The following INSR variants were observed in gnomAD, a reference collection of about 807,000 sequenced individuals.
INSR encodes the protein IR.
A neutral mutation model predicts 142.6 loss-of-function variants in INSR; 67 were observed. The observed-to-expected ratio is 0.47, with a 90% CI of 0.39 to 0.58. The LOEUF is 0.58. Among genes scored for constraint, INSR ranks in the 20% least tolerant of loss-of-function variants. The pLI is 0.00. For synonymous variants in INSR, 756 were observed against 743.1 expected (o/e 1.02, Z -0.28); for missense variants, 1,248 against 1,833.2 (o/e 0.68, Z 5.83).
intron 17 of INSR, among the ~76,000 whole-genome samples, chr19:7,124,906 G>C (rs1434762682): frequency 6.6e-6 from 1 of 151,532 alleles, no homozygotes; most frequent in African/African-American, 2.4e-5. Context: ...TTACAAAGGT[G>C]CCAGGAAAAA....
chr19:7,213,991 A>G (rs930228628), intron 2 of INSR, among the ~76,000 whole-genome samples: 3 of 149,682 alleles, frequency 2.0e-5, no homozygotes, highest in Admixed American at 2.0e-4. Flanking sequence ...CTTTGTCTCA[A>G]AAAAAAAAAG....
chr19:7,244,931 CTTTTTTT>C (rs370936908), intron 2 of INSR, among the ~76,000 whole-genome samples: 25 of 88,036 alleles, frequency 2.8e-4, no homozygotes, highest in Admixed American at 4.1e-4. Context: ...TTTGTTTTTG[CTTTTTTT>C]TTTTTTTTTT....
chr19:7,142,579 C>G (rs1973097272), intron 12 of INSR, among the ~76,000 whole-genome samples: 1 of 151,220 alleles, frequency 6.6e-6, no homozygotes, highest in African/African-American at 2.4e-5. Context: ...CCTGTAGTCC[C>G]AGCTACTTGG....
At chr19:7,156,052 CTTTTTTTTTTTTTTT>C (rs147889782) in intron 9 of INSR, among the ~76,000 whole-genome samples, 1 of 67,346 alleles carries the variant, frequency 1.5e-5, no homozygotes. Context: ...ATATGGAATT[CTTTTTTTTTTTTTTT>C]TTTTTTTTTT....
intron 1 of INSR, among the ~76,000 whole-genome samples, chr19:7,277,378 G>C (rs1968091917): frequency 7.5e-6 from 1 of 132,610 alleles, no homozygotes; most frequent in South Asian, 2.5e-4. Flanking sequence ...CAGACATTGT[G>C]CCAGGCCCAG....
In INSR at chr19:7,225,257, T is replaced by G. The variant is rs1456401870; in HGVS notation, c.653-40620A>C. On this transcript the variant is annotated intron_variant, in intron 2 of 21. Coordinates refer to ENST00000302850, the MANE Select transcript of INSR (RefSeq NM_000208.4). This position sits in a 1 kb window ranked among gnomAD's most constrained non-coding sequence, Gnocchi z 4.7. ...GGCCGAGCCACAAGAAGACACTTGC[T>G]CCATCAATGTTACTGTGGGCCAGTT... Among the ~76,000 whole-genome samples, 5 of 152,160 alleles carry G rather than the reference T, an allele frequency of 3.3e-5. No individual in the cohort carries two copies. The highest frequency in any genetic ancestry group is 4.1e-4 in the South Asian group (2 of 4,824).
At chr19:7,186,062 G>T (rs1974423768) in intron 2 of INSR, among the ~76,000 whole-genome samples, 1 of 151,866 alleles carries the variant, frequency 6.6e-6, no homozygotes, top group South Asian at 2.1e-4. Flanking sequence ...CGGGTGTGGT[G>T]GTGGGCGTCT....
At chr19:7,258,344 G>A (rs1016881190) in intron 2 of INSR, among the ~76,000 whole-genome samples, 4 of 150,274 alleles carry the variant, frequency 2.7e-5, no homozygotes, top group African/African-American at 9.7e-5. Flanking sequence ...GAGGCTGACT[G>A]AGGTGGCAGT....
chr19:7,212,538 T>C (rs6510962), intron 2 of INSR, among the ~76,000 whole-genome samples: 6,395 of 152,254 alleles, frequency 0.042, 448 homozygotes, highest in African/African-American at 0.14. Flanking sequence ...GTGCTTCCAG[T>C]CTAGCAGGCA....
intron 2 of INSR, among the ~76,000 whole-genome samples, chr19:7,245,408 C>T (rs1301280684): frequency 1.3e-5 from 2 of 152,154 alleles, no homozygotes; most frequent in African/African-American, 2.4e-5. Flanking sequence ...AGGAGGATCA[C>T]TTGCACCCAG....
rs774204258 is a variant in INSR, at chr19:7,267,781, A to G, written c.216T>C (p.Asp72=). 6.2e-7 allele frequency: 1 copy of G among 1,614,182 alleles called. No homozygotes were observed. The highest frequency in any genetic ancestry group is 1.1e-5 in the South Asian group (1 of 91,080). ...ILLMFKTRPE[D]FRDLSFPKLI... The stretch of plus-strand genomic sequence containing the variant: ...GTTTGGGGAAACTGAGGTCTCGGAA[A>G]TCTTCGGGCCTCGTTTTGAACATCA... Residue 72 remains aspartate (D), a synonymous_variant, in exon 2 of 22, where the codon GAT becomes GAC. Transcript: ENST00000302850. This position sits in a 1 kb window ranked among gnomAD's most constrained non-coding sequence, Gnocchi z 6.3.
intron 2 of INSR, among the ~76,000 whole-genome samples, chr19:7,266,185 G>A: frequency 6.6e-6 from 1 of 152,054 alleles, no homozygotes; most frequent in East Asian, 1.9e-4. Context: ...CTCAAAGCTG[G>A]CCAAGGTGTT....
intron 3 of INSR, among the ~76,000 whole-genome samples, chr19:7,181,614 G>A (rs1052781528): frequency 1.3e-5 from 2 of 151,236 alleles, no homozygotes; most frequent in African/African-American, 4.9e-5. Flanking sequence ...CTTGCCTGGG[G>A]GCTAACGTGC....
At chr19:7,153,013 CCACACACACACACCACA>C in intron 9 of INSR, 86 bp from the exon 10 acceptor site, 2 of 545,272 alleles carry the variant, frequency 3.7e-6, no homozygotes, top group Non-Finnish European at 5.9e-6. Flanking sequence ...CACACACACA[CCACACACACACACCACA>C]CACACACACA....
At position 7,113,454 on chromosome 19, in the gene INSR, T is replaced by C. The variant is rs540137499; in HGVS notation, c.*3602A>G. 43 of 152,214 alleles carry C rather than the reference T, an allele frequency of 2.8e-4. No homozygotes were observed. The highest frequency in any genetic ancestry group is 9.6e-4 in the African/African-American group (40 of 41,514). 9.4% of individuals were successfully genotyped at this position (152,214 alleles called of 1,614,324 possible). A position where few individuals can be genotyped will look rare whatever the true frequency, so the allele number is the denominator to read the frequency against. On this transcript the variant is annotated 3_prime_UTR_variant, in exon 22 of 22. Transcript: ENST00000302850. ...ATGATGAAACAGCACCTAGGACAGC[T>C]CCTAAAACCTGAACATTTTCTGATG... is the stretch of plus-strand genomic sequence containing the variant.
chr19:7,243,613 A>G (rs1194949985), intron 2 of INSR, among the ~76,000 whole-genome samples: 2 of 152,196 alleles, frequency 1.3e-5, no homozygotes, highest in African/African-American at 4.8e-5. Context: ...AAATTTGTCA[A>G]TGAATACTCA....
intron 1 of INSR, among the ~76,000 whole-genome samples, chr19:7,272,929 A>G (rs1226088500): frequency 1.3e-5 from 2 of 152,176 alleles, no homozygotes; most frequent in East Asian, 3.9e-4. Context: ...TTCATACAAA[A>G]AAATCCGAAA....
In INSR at chr19:7,159,038, G is replaced by T. The variant is rs1367961864; in HGVS notation, c.2029+3994C>A. Among the ~76,000 whole-genome samples, 1 of 152,066 alleles carries T rather than the reference G, an allele frequency of 6.6e-6. No homozygotes were observed. The highest frequency in any genetic ancestry group is 2.4e-5 in the African/African-American group (1 of 41,398). ...CTGCCTCAGCCTCCTGAGTAGCTGG[G>T]ATTACAGGCACCCACCACCACACCC... is the stretch of plus-strand genomic sequence containing the variant. On this transcript the variant is annotated intron_variant, in intron 9 of 21. Coordinates refer to ENST00000302850, the MANE Select transcript of INSR (RefSeq NM_000208.4). This position sits in a 1 kb window ranked among gnomAD's most constrained non-coding sequence, Gnocchi z 4.3.
In INSR at chr19:7,190,728, G is replaced by A. The variant is rs560306295; in HGVS notation, c.653-6091C>T. Reference sequence around the variant, plus strand: ...GCTCATTCCAGGTGTTTCCAACTCTGTAGGGAGATGTTGATCAAACTACAA... The same window carrying A: ...GCTCATTCCAGGTGTTTCCAACTCTATAGGGAGATGTTGATCAAACTACAA... On this transcript the variant is annotated intron_variant, in intron 2 of 21. Transcript: ENST00000302850. Among the ~76,000 whole-genome samples, 6 of 152,262 alleles carry A rather than the reference G, an allele frequency of 3.9e-5. 1 individual carries two copies. In the South Asian group the frequency reaches 1.2e-3, roughly 32 times the overall value.
Sources: allele counts gnomAD v4.1 joint callset (sites outside exome capture counted in the v4.1 genomes callset), GRCh38; gene constraint gnomAD v4.1.1; non-coding constraint Gnocchi (gnomAD v3.1); transcripts MANE v1.5; gene names NCBI Gene and HGNC (gene_info 2026-07-23, HGNC 2026-07-21).